CEP57L1: variants seen among roughly 807,000 people sequenced by gnomAD.
CEP57L1 encodes centrosomal protein CEP57L1.
Under a neutral mutation model 61.0 loss-of-function variants are expected in CEP57L1, and 37 were observed. That is an observed-to-expected ratio of 0.61 (90% CI 0.47 to 0.80). The LOEUF (loss-of-function observed/expected upper bound fraction) is 0.80. CEP57L1 is among the 30% of genes least tolerant of loss of function. The pLI is 0.00. For synonymous variants in CEP57L1, 137 were observed against 162.3 expected (o/e 0.84, Z 1.19); for missense variants, 422 against 524.7 (o/e 0.80, Z 1.91).
In CEP57L1 at chr6:109,099,088, C is replaced by T. The variant is rs150509337; in HGVS notation, c.-4+3513C>T. ...AAAGGTTGGTATTTTAGCTTGGCCA[C>T]GTTAAGTTTGAGATGCCTCTAAGAA... is the stretch of plus-strand genomic sequence containing the variant. On this transcript the variant is annotated intron_variant, in intron 1 of 10. Coordinates refer to ENST00000517392, the MANE Select transcript of CEP57L1 (RefSeq NM_001271852.3). Among the ~76,000 whole-genome samples, 60 of 152,156 alleles carry T rather than the reference C, an allele frequency of 3.9e-4. No individual in the cohort carries two copies. The East Asian group carries it at 7.7e-3, about 20-fold the overall frequency.
At position 109,150,322 on chromosome 6, in the gene CEP57L1, G is replaced by A. The variant is rs1772470704; in HGVS notation, c.462+83G>A. 4.6e-6 allele frequency: 7 copies of A among 1,510,956 alleles called. No homozygotes were observed. In the East Asian group the frequency reaches 9.5e-5, roughly 21 times the overall value. The allele number at this position is 1,510,956 out of a possible 1,614,324, so 93.6% of individuals were successfully genotyped here. A position where few individuals can be genotyped will look rare whatever the true frequency, so the allele number is the denominator to read the frequency against. ...TTTAATTTCACGGGAAAATTCAAAG[G>A]CAAAGGTGGCATAATGTTAGAATGA... On this transcript the variant is annotated intron_variant, in intron 4 of 10. Transcript: ENST00000517392.
rs962502747 is a variant in CEP57L1, at chr6:109,146,950, G to A, written c.340+13G>A. ...AAGCAGAAAAAAGGTAAGAAATGCA[G>A]TAGTTCTCAGAAACCGGGGGTTACT... On this transcript the variant is annotated intron_variant, in intron 3 of 10. Transcript: ENST00000517392. 4 of 1,592,454 alleles carry A rather than the reference G, an allele frequency of 2.5e-6. No homozygotes were observed. In the African/African-American group the frequency reaches 4.1e-5, roughly 16 times the overall value.
In CEP57L1 at chr6:109,173,429, T is replaced by C. The variant is rs1160092279; in HGVS notation, c.*10459T>C. 6.7e-6 allele frequency among the ~76,000 whole-genome samples: 1 copy of C among 149,104 alleles called. No individual in the cohort carries two copies. Among genetic ancestry groups the C allele is most frequent in the Non-Finnish European group, 1.5e-5 (1 of 67,312 alleles). ...TCAGCCCGCCCCCTACCTTTCTTTT[T>C]TTTTTTTTTTTCTTTTCAGGGTCTT... On this transcript the variant is annotated 3_prime_UTR_variant, in exon 11 of 11. Coordinates refer to ENST00000517392, the MANE Select transcript of CEP57L1 (RefSeq NM_001271852.3).
Position 109,163,428 on chromosome 6 carries a change from GTTTTTCTC to G in CEP57L1, c.*463_*470del, listed in dbSNP as rs897838843. ...CTATTTTGTTTTAGAGCTGTGAAAT[GTTTTTCTC>G]TTTTGGAAAAGGAAAAACTTAATAG... On this transcript the variant is annotated 3_prime_UTR_variant, in exon 11 of 11. Coordinates refer to ENST00000517392, the MANE Select transcript of CEP57L1 (RefSeq NM_001271852.3). 6.5e-6 allele frequency: 1 copy of G among 152,778 alleles called. No individual in the cohort carries two copies. Among genetic ancestry groups the G allele is most frequent in the African/African-American group, 2.4e-5 (1 of 41,428 alleles). 9.5% of individuals were successfully genotyped at this position (152,778 alleles called of 1,614,324 possible). A position where few individuals can be genotyped will look rare whatever the true frequency, so the allele number is the denominator to read the frequency against.
At chr6:109,135,657 T>C (rs1335741851) in intron 1 of CEP57L1, among the ~76,000 whole-genome samples, 2 of 152,218 alleles carry the variant, frequency 1.3e-5, no homozygotes, top group East Asian at 1.9e-4. Context: ...ATTTTTGCAA[T>C]CTACTCATCT....
In CEP57L1 at chr6:109,173,593, T is replaced by TAAAAA. The variant is rs75064977; in HGVS notation, c.*10634_*10638dup. Among the ~76,000 whole-genome samples, 3 of 141,572 alleles carry TAAAAA rather than the reference T, an allele frequency of 2.1e-5. No homozygotes were observed. Among genetic ancestry groups the TAAAAA allele is most frequent in the Non-Finnish European group, 4.6e-5 (3 of 65,126 alleles). The allele number at this position is 141,572 out of a possible 152,430, so 92.9% of individuals were successfully genotyped here. ...GTGCATGCCACCACACCTGGCTAATTAAAAAAAAAAAAAAATTTTTTTTTT... is the reference window on the plus strand; with the variant it reads ...GTGCATGCCACCACACCTGGCTAATTAAAAAAAAAAAAAAAAAAAATTTTTTTTTT... On this transcript the variant is annotated 3_prime_UTR_variant, in exon 11 of 11. Transcript: ENST00000517392.
In CEP57L1 at chr6:109,149,504, C is replaced by A. The variant is rs1441273848; in HGVS notation, c.341-614C>A. Among the ~76,000 whole-genome samples the A allele has an allele frequency of 7.9e-3, 1,198 of 152,186 alleles. 19 individuals are homozygous for A. Among genetic ancestry groups the A allele is most frequent in the African/African-American group, 0.028 (1,150 of 41,512 alleles). The stretch of plus-strand genomic sequence containing the variant: ...TCTCTGTTTTGGTACCAGTACCATG[C>A]TGTTTTGGTTACTGTAGCCTTGTAG... On this transcript the variant is annotated intron_variant, in intron 3 of 10. Coordinates refer to ENST00000517392, the MANE Select transcript of CEP57L1 (RefSeq NM_001271852.3).
At chr6:109,097,960 A>C (rs1468502725) in intron 1 of CEP57L1, among the ~76,000 whole-genome samples, 1 of 152,242 alleles carries the variant, frequency 6.6e-6, no homozygotes, top group African/African-American at 2.4e-5. Flanking sequence ...GCTGGAGCAC[A>C]ATGAGTACAA....
At chr6:109,115,831 TAAGGTTGTTAAGACTA>T (rs1046741947) in intron 1 of CEP57L1, among the ~76,000 whole-genome samples, 1 of 152,184 alleles carries the variant, frequency 6.6e-6, no homozygotes, top group Non-Finnish European at 1.5e-5. Flanking sequence ...TAGCATTCTT[TAAGGTTGTTAAGACTA>T]AATTTAGCGT....
intron 3 of CEP57L1, among the ~76,000 whole-genome samples, chr6:109,147,316 GAAC>G (rs1421250697): frequency 6.6e-6 from 1 of 151,762 alleles, no homozygotes; most frequent in African/African-American, 2.4e-5. Context: ...TTGAAATACA[GAAC>G]AACACTAGTA....
At chr6:109,148,580 C>T (rs1201329621) in intron 3 of CEP57L1, among the ~76,000 whole-genome samples, 3 of 152,082 alleles carry the variant, frequency 2.0e-5, no homozygotes, top group East Asian at 1.9e-4. Context: ...AATAAACATA[C>T]GTGTGCATGT....
Position 109,162,746 on chromosome 6 carries a change from C to T in CEP57L1, c.1162-3C>T, listed in dbSNP as rs1443063762. On this transcript the variant is annotated splice_polypyrimidine_tract_variant and splice_region_variant and intron_variant, in intron 10 of 10. Transcript: ENST00000517392. ...AAAATGTTAGATTTTTTTTTCTCTC[C>T]AGGTCTGTAAACTGCAGCAAAAAGT... The T allele has an allele frequency of 6.3e-7, 1 of 1,596,080 alleles. No individual in the cohort carries two copies. Among genetic ancestry groups the T allele is most frequent in the Non-Finnish European group, 8.5e-7 (1 of 1,169,714 alleles).
intron 5 of CEP57L1, 92 bp from the exon 6 acceptor site, chr6:109,155,138 A>C (rs1254830361): frequency 2.0e-5 from 12 of 597,128 alleles, no homozygotes; most frequent in East Asian, 1.2e-4. Context: ...ACTCTTAAGA[A>C]TCAAGACCCC....
chr6:109,137,235 T>C (rs373213058), intron 1 of CEP57L1, among the ~76,000 whole-genome samples: 1 of 152,318 alleles, frequency 6.6e-6, no homozygotes, highest in East Asian at 1.9e-4. Flanking sequence ...TTTACTAAGT[T>C]ATAATTTTGT....
rs887047160 is a variant in CEP57L1, at chr6:109,164,496, C to T, written c.*1526C>T. Among the ~76,000 whole-genome samples, 2 of 152,138 alleles carry T rather than the reference C, an allele frequency of 1.3e-5. No homozygotes were observed. The highest frequency in any genetic ancestry group is 4.8e-5 in the African/African-American group (2 of 41,448). ...GCCAGCTTTCACTCCCACTCATTCACACCCTTAGCTCCTCAGCCCTGGAGA... is the reference window on the plus strand; with the variant it reads ...GCCAGCTTTCACTCCCACTCATTCATACCCTTAGCTCCTCAGCCCTGGAGA... On this transcript the variant is annotated 3_prime_UTR_variant, in exon 11 of 11. Coordinates refer to ENST00000517392, the MANE Select transcript of CEP57L1 (RefSeq NM_001271852.3).
At chr6:109,128,876 T>C (rs879554467) in intron 1 of CEP57L1, among the ~76,000 whole-genome samples, 1 of 152,172 alleles carries the variant, frequency 6.6e-6, no homozygotes, top group Admixed American at 6.5e-5. Flanking sequence ...CTTGGTTAGA[T>C]AGCTTATATG....
chr6:109,153,266 A>G lies in CEP57L1; in HGVS notation c.463-567A>G, dbSNP rs1229153883. 1.2e-4 allele frequency among the ~76,000 whole-genome samples: 15 copies of G among 127,324 alleles called. No homozygotes were observed. In the Admixed American group the frequency reaches 1.3e-3, roughly 11 times the overall value. The allele number at this position is 127,324 out of a possible 152,430, so 83.5% of individuals were successfully genotyped here. A position where few individuals can be genotyped will look rare whatever the true frequency, so the allele number is the denominator to read the frequency against. On this transcript the variant is annotated intron_variant, in intron 4 of 10. Transcript: ENST00000517392. Reference sequence around the variant, plus strand: ...TTTTTTTTTTTTTTTTTTTGAGACAAGGTCTCACTCTGTTGCCCAGACTGG... The same window carrying G: ...TTTTTTTTTTTTTTTTTTTGAGACAGGGTCTCACTCTGTTGCCCAGACTGG...
chr6:109,108,638 C>T (rs1049719369), intron 1 of CEP57L1, among the ~76,000 whole-genome samples: 41 of 152,182 alleles, frequency 2.7e-4, no homozygotes, highest in Non-Finnish European at 7.4e-5. Flanking sequence ...TTAGAAAATA[C>T]GAGAGACAAA....
intron 1 of CEP57L1, among the ~76,000 whole-genome samples, chr6:109,116,084 C>CATTTTATTTTATTTTATTTT (rs557303655): frequency 4.6e-4 from 66 of 144,880 alleles, no homozygotes; most frequent in African/African-American, 1.6e-3. Context: ...CCCTATTAAG[C>CATTTTATTTTATTTTATTTT]ATTTTATTTT....
Sources: allele counts gnomAD v4.1 joint callset (sites outside exome capture counted in the v4.1 genomes callset), GRCh38; gene constraint gnomAD v4.1.1; transcripts MANE v1.5; gene names NCBI Gene and HGNC (gene_info 2026-07-23, HGNC 2026-07-21).